Variants in MCTP2 observed in about 807,000 individuals in gnomAD.
MCTP2 encodes multiple C2 and transmembrane domain-containing protein 2.
Under a neutral mutation model 111.6 loss-of-function variants are expected in MCTP2, and 132 were observed. The observed-to-expected ratio is 1.18, with a 90% CI of 1.03 to 1.37. MCTP2 has a LOEUF of 1.37. Among genes scored for constraint, MCTP2 ranks in the 40% most tolerant of loss-of-function variants. The pLI is 0.00. For synonymous variants in MCTP2, 395 were observed against 387.7 expected, an observed-to-expected ratio of 1.02 and a Z score of -0.22; for missense variants, 1,183 against 1,067.9, an observed-to-expected ratio of 1.11 and a Z score of -1.50.
rs527832462 is a variant in MCTP2, at chr15:94,441,924, C to G, written c.2209-995C>G. 2.6e-5 allele frequency among the ~76,000 whole-genome samples: 4 copies of G among 152,328 alleles called. No homozygotes were observed. The South Asian group carries it at 8.3e-4, about 32-fold the overall frequency. On this transcript the variant is annotated intron_variant, in intron 18 of 22. Coordinates refer to ENST00000357742, the MANE Select transcript of MCTP2 (RefSeq NM_001385001.1). ...CCATGAGTACCACACAAACTGCTAG[C>G]TGAATCTTGTGAGAATTCTAGGAGG...
chr15:94,280,611 A>G (rs951605874), intron 1 of MCTP2, among the ~76,000 whole-genome samples: 9 of 150,654 alleles, frequency 6.0e-5, no homozygotes, highest in African/African-American at 2.2e-4. Flanking sequence ...TTCAACTCCA[A>G]CTTTTGTTAT....
intron 1 of MCTP2, among the ~76,000 whole-genome samples, chr15:94,295,617 A>G (rs1424978728): frequency 1.3e-5 from 2 of 152,204 alleles, no homozygotes; most frequent in African/African-American, 4.8e-5. Flanking sequence ...CTGAGAAGGT[A>G]CTGGCCACCT....
chr15:94,434,536 A>G (rs897196906), intron 17 of MCTP2, among the ~76,000 whole-genome samples: 3 of 152,140 alleles, frequency 2.0e-5, no homozygotes, highest in Admixed American at 6.5e-5. Context: ...TTAGAGTTAA[A>G]TTTTGTATGT....
At position 94,458,214 on chromosome 15, in the gene MCTP2, G is replaced by A; in HGVS notation, c.2328G>A (p.Glu776=). 6.2e-7 allele frequency: 1 copy of A among 1,610,418 alleles called. No individual in the cohort carries two copies. The highest frequency in any genetic ancestry group is 1.1e-5 in the South Asian group (1 of 90,982). The part of the protein sequence containing the change: ...DIVSTVQNVL[E]EIASFGERIK... ...TTTCAACTGTTCAAAACGTCTTGGA[G>A]GAAATAGCTTCTTTTGGAGAAAGGA... Residue 776 remains glutamate (E), a synonymous_variant, in exon 20 of 23, where the codon GAG becomes GAA. Coordinates refer to ENST00000357742, the MANE Select transcript of MCTP2 (RefSeq NM_001385001.1).
chr15:94,451,470 T>TAA (rs1237809386), intron 19 of MCTP2, among the ~76,000 whole-genome samples: 1 of 152,248 alleles, frequency 6.6e-6, no homozygotes, highest in Non-Finnish European at 1.5e-5. Flanking sequence ...TATAGGAATC[T>TAA]AAAACTATGT....
chr15:94,245,470 ATATGTATATATACATACATG>A (rs2071852054), intron 1 of MCTP2, among the ~76,000 whole-genome samples: 1 of 140,444 alleles, frequency 7.1e-6, no homozygotes, highest in African/African-American at 2.6e-5. Context: ...TTATATACAT[ATATGTATATATACATACATG>A]TATGTATTTA....
intron 2 of MCTP2, among the ~76,000 whole-genome samples, chr15:94,299,862 C>CA (rs1179683396): frequency 1.3e-5 from 2 of 152,170 alleles, no homozygotes; most frequent in Admixed American, 6.5e-5. Flanking sequence ...ATATCATGGC[C>CA]ATATTCGTTA....
At chr15:94,327,711 T>C (rs2076944276) in intron 4 of MCTP2, among the ~76,000 whole-genome samples, 1 of 152,212 alleles carries the variant, frequency 6.6e-6, no homozygotes, top group Non-Finnish European at 1.5e-5. Context: ...CTGCAGTAAG[T>C]GATTAGAGCT....
Position 94,399,977 on chromosome 15 carries a change from C to A in MCTP2, c.1947C>A (p.Ser649Arg). The A allele has an allele frequency of 6.2e-7, 1 of 1,613,932 alleles. No homozygotes were observed. The highest frequency in any genetic ancestry group is 8.5e-7 in the Non-Finnish European group (1 of 1,179,872). The change falls in exon 16 of 23, where the codon AGC becomes AGA. Residue 649 changes from serine to arginine, a missense_variant. By Grantham distance (110) the Ser-to-Arg change is moderately radical. Coordinates refer to ENST00000357742, the MANE Select transcript of MCTP2 (RefSeq NM_001385001.1). ...TPREKRFVED[S>R]RKLSKKILSR... Reference sequence around the variant, plus strand: ...GGGAAAAGCGCTTTGTTGAAGACAGCCGCAAGCTGTCCAAAAAGGTGGGTC... The same window carrying A: ...GGGAAAAGCGCTTTGTTGAAGACAGACGCAAGCTGTCCAAAAAGGTGGGTC...
intron 14 of MCTP2, among the ~76,000 whole-genome samples, chr15:94,397,681 T>C (rs1483376706): frequency 6.6e-6 from 1 of 152,198 alleles, no homozygotes; most frequent in Middle Eastern, 3.2e-3. Context: ...ACCTCTCCCT[T>C]GTAAAGTGGA....
At position 94,248,389 on chromosome 15, in the gene MCTP2, C is replaced by T. The variant is rs142991628; in HGVS notation, c.-66+16725C>T. On this transcript the variant is annotated intron_variant, in intron 1 of 22. Coordinates refer to ENST00000357742, the MANE Select transcript of MCTP2 (RefSeq NM_001385001.1). Reference sequence around the variant, plus strand: ...ATAATGGGCCTCTTCCAGGCAAGGACGTGACTGTGGCTCAGTAGATCCTAC... The same window carrying T: ...ATAATGGGCCTCTTCCAGGCAAGGATGTGACTGTGGCTCAGTAGATCCTAC... Among the ~76,000 whole-genome samples, 324 of 152,268 alleles carry T rather than the reference C, an allele frequency of 2.1e-3. 2 individuals are homozygous for T. Among genetic ancestry groups the T allele is most frequent in the African/African-American group, 7.5e-3 (313 of 41,546 alleles).
At chr15:94,232,874 A>G (rs1390043046) in intron 1 of MCTP2, among the ~76,000 whole-genome samples, 3 of 152,216 alleles carry the variant, frequency 2.0e-5, no homozygotes, top group African/African-American at 4.8e-5. Flanking sequence ...GATTATTAAG[A>G]ATTAGCTCTG....
At chr15:94,243,203 G>A (rs570786396) in intron 1 of MCTP2, among the ~76,000 whole-genome samples, 4 of 147,474 alleles carry the variant, frequency 2.7e-5, no homozygotes, top group South Asian at 2.1e-4. Context: ...ATACGTATGC[G>A]TATATACGTA....
intron 1 of MCTP2, among the ~76,000 whole-genome samples, chr15:94,294,800 C>T (rs901107164): frequency 6.6e-6 from 1 of 152,140 alleles, no homozygotes; most frequent in African/African-American, 2.4e-5. Flanking sequence ...CTTTGATCTG[C>T]ACAGTAACAC....
At chr15:94,415,215 A>G (rs1412458078) in intron 17 of MCTP2, among the ~76,000 whole-genome samples, 1 of 152,166 alleles carries the variant, frequency 6.6e-6, no homozygotes, top group Non-Finnish European at 1.5e-5. Flanking sequence ...ACTTCCTTAA[A>G]GGATTTAAAC....
chr15:94,407,627 G>A (rs976136277), intron 17 of MCTP2, among the ~76,000 whole-genome samples: 3 of 151,964 alleles, frequency 2.0e-5, no homozygotes, highest in African/African-American at 4.8e-5. Flanking sequence ...CTGTCCACTC[G>A]CTTGGTAATA....
intron 6 of MCTP2, 106 bp from the exon 7 acceptor site, chr15:94,340,707 A>G: frequency 1.5e-6 from 1 of 645,444 alleles, no homozygotes; most frequent in Non-Finnish European, 2.7e-6. Context: ...ATCATGTCTA[A>G]TCCTTATTCA....
chr15:94,430,393 TCACACACACACACACACACACACA>T (rs35129445), intron 17 of MCTP2, among the ~76,000 whole-genome samples: 4 of 107,184 alleles, frequency 3.7e-5, no homozygotes, highest in Non-Finnish European at 5.7e-5. Flanking sequence ...CCAAAAACAA[TCACACACACACACACACACACACA>T]CACACACACA....
At chr15:94,265,210 A>G (rs1037896797) in intron 1 of MCTP2, among the ~76,000 whole-genome samples, 1 of 152,172 alleles carries the variant, frequency 6.6e-6, no homozygotes, top group Non-Finnish European at 1.5e-5. Flanking sequence ...TTGCCAGGAC[A>G]CTTGACTCTA....
Sources: gnomAD v4.1 joint callset for allele counts (sites outside exome capture counted in the v4.1 genomes callset) on GRCh38, gnomAD v4.1.1 for gene constraint, MANE v1.5 for transcripts, NCBI Gene and HGNC (gene_info 2026-07-23, HGNC 2026-07-21) for gene names.